HEATR6: variants seen among roughly 807,000 people sequenced by gnomAD.
HEATR6 encodes HEAT repeat-containing protein 6.
Under a neutral mutation model 132.8 loss-of-function variants are expected in HEATR6, and 106 were observed. The observed-to-expected ratio is 0.80, with a 90% CI of 0.68 to 0.94. The LOEUF (loss-of-function observed/expected upper bound fraction) is 0.94. Ranked by LOEUF, HEATR6 falls within the 40% of genes least tolerant of loss-of-function variation. The pLI, the probability that HEATR6 is intolerant of heterozygous loss-of-function variation, is 0.00. For synonymous variants in HEATR6, 529 were observed against 537.8 expected (o/e 0.98, Z 0.23); for missense variants, 1,339 against 1,425.1 (o/e 0.94, Z 0.97).
At chr17:60,073,093 G>A in intron 4 of HEATR6, 71 bp downstream of exon 4, 1 of 827,120 alleles carries the variant, frequency 1.2e-6, no homozygotes, top group South Asian at 1.5e-5. Context: ...CAGGCACAGG[G>A]AACTACCTAC....
chr17:60,066,771 T>C (rs979029432), intron 8 of HEATR6, among the ~76,000 whole-genome samples: 1 of 152,118 alleles, frequency 6.6e-6, no homozygotes, highest in Non-Finnish European at 1.5e-5. Context: ...CTGCCAGACA[T>C]AAACAAAGCC....
chr17:60,055,290 T>C (rs971746541), intron 14 of HEATR6, among the ~76,000 whole-genome samples: 2 of 152,214 alleles, frequency 1.3e-5, no homozygotes, highest in African/African-American at 4.8e-5. Context: ...AGTTTTACTA[T>C]TGCTGGTTAT....
intron 1 of HEATR6, among the ~76,000 whole-genome samples, chr17:60,077,985 G>A (rs1052093115): frequency 6.6e-6 from 1 of 152,190 alleles, no homozygotes; most frequent in Non-Finnish European, 1.5e-5. Flanking sequence ...CATGTGTGTT[G>A]GAAGGTGGGA....
chr17:60,045,922 A>T, intron 19 of HEATR6, 103 bp downstream of exon 19: 2 of 877,304 alleles, frequency 2.3e-6, no homozygotes, highest in Non-Finnish European at 3.6e-6. Flanking sequence ...ATTTTTTCCT[A>T]ATACTATGAC....
At chr17:60,060,972 A>G (rs913946417) in intron 9 of HEATR6, among the ~76,000 whole-genome samples, 4 of 152,242 alleles carry the variant, frequency 2.6e-5, no homozygotes, top group African/African-American at 9.6e-5. Flanking sequence ...ATTACTTTCA[A>G]TTGGTACTCA....
chr17:60,043,854 G>A lies in HEATR6; in HGVS notation c.3255C>T (p.Ala1085=). Residue 1085 remains alanine, a synonymous_variant, in exon 20 of 20, where the codon GCC becomes GCT. Coordinates refer to ENST00000184956, the MANE Select transcript of HEATR6 (RefSeq NM_022070.5). ...TTTCTTTCATACAAGGGAGGTCCGA[G>A]GCACTGGCCAAGCTCAAGAGGTGAA... ...ALIHLLSLAS[A]SDLPCMKETL... 1 of 1,614,200 alleles carries A rather than the reference G, an allele frequency of 6.2e-7. No homozygotes were observed. The highest frequency in any genetic ancestry group is 8.5e-7 in the Non-Finnish European group (1 of 1,180,040).
intron 1 of HEATR6, chr17:60,076,520 G>A: frequency 3.3e-6 from 1 of 305,666 alleles, no homozygotes; most frequent in Non-Finnish European, 6.2e-6. Context: ...GGGCAACATA[G>A]TGAGACTCCA....
chr17:60,049,753 C>G, intron 15 of HEATR6, 51 bp from the exon 16 acceptor site: 1 of 1,584,462 alleles, frequency 6.3e-7, no homozygotes, highest in South Asian at 1.1e-5. Context: ...TAACTACAAG[C>G]CAAAGGCTTC....
In HEATR6 at chr17:60,044,023, T is replaced by C. The variant is rs751834153; in HGVS notation, c.3086A>G (p.Lys1029Arg). ...GTCAACAGACCCGTACTGCTCTCTCTTCCCCGGGACGGAAAGGGCAGCTGC... is the reference window on the plus strand; with the variant it reads ...GTCAACAGACCCGTACTGCTCTCTCCTCCCCGGGACGGAAAGGGCAGCTGC... ...RSAAALSVPG[K>R]REQYGSVDQY... Residue 1029 changes from lysine to arginine, a missense_variant, in exon 20 of 20, where the codon AAG becomes AGG. Transcript: ENST00000184956. The C allele has an allele frequency of 8.1e-6, 13 of 1,614,184 alleles. No homozygotes were observed. The South Asian group carries it at 1.2e-4, about 15-fold the overall frequency.
chr17:60,067,700 C>A lies in HEATR6; in HGVS notation c.972G>T (p.Lys324Asn), dbSNP rs759433968. The A allele has an allele frequency of 6.2e-7, 1 of 1,613,208 alleles. No individual in the cohort carries two copies. Among genetic ancestry groups the A allele is most frequent in the Non-Finnish European group, 8.5e-7 (1 of 1,179,718 alleles). Residue 324 changes from lysine (K) to asparagine (N), a missense_variant, in exon 8 of 20, where the codon AAG becomes AAT. By Grantham distance (94) the Lys-to-Asn change is moderately conservative. Coordinates refer to ENST00000184956, the MANE Select transcript of HEATR6 (RefSeq NM_022070.5). ...CCTCCTCCTCTCCTTGCTGGATTTT[C>A]TTTGGTTTTACTTTGGATTTTTTCT... Reference protein sequence around the residue: ...NKKKKSKVKPKKIQQGEEEEK... With the variant: ...NKKKKSKVKPNKIQQGEEEEK...
intron 2 of HEATR6, 184 bp from the exon 3 acceptor site, chr17:60,074,070 C>T: frequency 7.7e-7 from 1 of 1,299,668 alleles, no homozygotes; most frequent in Non-Finnish European, 9.7e-7. Flanking sequence ...TTCTCCCCAC[C>T]CCAAGGTCTT....
rs1206482153 is a variant in HEATR6 at position 60,075,158 on chromosome 17, GTTAA to G, written c.327+968_327+971del. 3.3e-5 allele frequency among the ~76,000 whole-genome samples: 5 copies of G among 152,326 alleles called. No individual in the cohort carries two copies. In the East Asian group the frequency reaches 9.6e-4, roughly 29 times the overall value. ...TACAAGAGACACAACATAAAATAAA[GTTAA>G]TTAGCTTCTGCTGAACAGTAATCAT... On this transcript the variant is annotated intron_variant, in intron 2 of 19. Transcript: ENST00000184956.
intron 8 of HEATR6, 117 bp downstream of exon 8, chr17:60,067,317 C>T (rs953433806): frequency 1.6e-6 from 1 of 612,624 alleles, no homozygotes; most frequent in Non-Finnish European, 2.7e-6. Context: ...CTGAATAACA[C>T]CATGCCCCCC....
chr17:60,056,512 A>G (rs1906748184), intron 12 of HEATR6, among the ~76,000 whole-genome samples: 1 of 152,212 alleles, frequency 6.6e-6, no homozygotes, highest in African/African-American at 2.4e-5. Flanking sequence ...TTTTACAACT[A>G]AAGAACCTAA....
chr17:60,072,687 C>T (rs1250204187), intron 4 of HEATR6, among the ~76,000 whole-genome samples: 2 of 152,292 alleles, frequency 1.3e-5, no homozygotes, highest in South Asian at 2.1e-4. Flanking sequence ...CCTTCCTACT[C>T]GCTGGACAGC....
Position 60,041,434 on chromosome 17 carries a change from A to G in HEATR6, c.*2129T>C, listed in dbSNP as rs971870934. On this transcript the variant is annotated 3_prime_UTR_variant, in exon 20 of 20. Transcript: ENST00000184956. ...AAAGAATCACAGTAATAAGCTGTCTATGCCATATTTTTTTTTTCCTTTTTT... is the reference window on the plus strand; with the variant it reads ...AAAGAATCACAGTAATAAGCTGTCTGTGCCATATTTTTTTTTTCCTTTTTT... 3.9e-5 allele frequency among the ~76,000 whole-genome samples: 6 copies of G among 152,198 alleles called. No individual in the cohort carries two copies. Among genetic ancestry groups the G allele is most frequent in the African/African-American group, 1.4e-4 (6 of 41,446 alleles).
intron 7 of HEATR6, among the ~76,000 whole-genome samples, chr17:60,068,127 A>G (rs1482304904): frequency 6.6e-6 from 1 of 152,202 alleles, no homozygotes; most frequent in East Asian, 1.9e-4. Context: ...GAATTTCTCA[A>G]GAGCATTAAA....
rs773253196 is a variant in HEATR6 at position 60,067,528 on chromosome 17, C to A, written c.1144G>T (p.Val382Phe). Residue 382 changes from valine to phenylalanine, a missense_variant, in exon 8 of 20, where the codon GTC becomes TTC. Coordinates refer to ENST00000184956, the MANE Select transcript of HEATR6 (RefSeq NM_022070.5). ...DGSGAAEKDG[V>F]SSSFSSSSWK... ...CTGGAAGAACTGAAGGATGAGGAGACTCCATCTTTTTCTGCAGCTCCACTT... is the reference window on the plus strand; with the variant it reads ...CTGGAAGAACTGAAGGATGAGGAGAATCCATCTTTTTCTGCAGCTCCACTT... 1 of 1,613,204 alleles carries A rather than the reference C, an allele frequency of 6.2e-7. No homozygotes were observed. The highest frequency in any genetic ancestry group is 1.7e-5 in the Admixed American group (1 of 59,790).
In HEATR6 at chr17:60,067,674, T is replaced by C; in HGVS notation, c.998A>G (p.Glu333Gly). The C allele has an allele frequency of 6.2e-7, 1 of 1,613,204 alleles. No individual in the cohort carries two copies. The highest frequency in any genetic ancestry group is 2.2e-5 in the East Asian group (1 of 44,794). The change falls in exon 8 of 20, where the codon GAA becomes GGA. Residue 333 changes from glutamate (E) to glycine (G), a missense_variant. Coordinates refer to ENST00000184956, the MANE Select transcript of HEATR6 (RefSeq NM_022070.5). ...PKKIQQGEEE[E>G]KESSGEIEAA... is the part of the protein sequence containing the mutation. Reference sequence around the variant, plus strand: ...CTCTATTTCACCACTGGATTCCTTTTCCTCCTCCTCTCCTTGCTGGATTTT... The same window carrying C: ...CTCTATTTCACCACTGGATTCCTTTCCCTCCTCCTCTCCTTGCTGGATTTT...
Sources: gnomAD v4.1 joint callset for allele counts (sites outside exome capture counted in the v4.1 genomes callset) on GRCh38, gnomAD v4.1.1 for gene constraint, MANE v1.5 for transcripts, NCBI Gene and HGNC (gene_info 2026-07-23, HGNC 2026-07-21) for gene names.